The following JAM3 variants were observed in gnomAD, a reference collection of about 807,000 sequenced individuals.
JAM3 encodes junctional adhesion molecule C.
Under a neutral mutation model 39.4 loss-of-function variants are expected in JAM3, and 31 were observed. The observed-to-expected ratio is 0.79, with a 90% CI of 0.59 to 1.06. JAM3 has a LOEUF of 1.06. JAM3 is among the 50% of genes least tolerant of loss of function. The pLI is 0.00. For missense variants in JAM3, 455 were observed against 391.4 expected, an observed-to-expected ratio of 1.16 and a Z score of -1.37; for synonymous variants, 182 against 148.7, an observed-to-expected ratio of 1.22 and a Z score of -1.63.
At chr11:134,125,980 C>G (rs987913422) in intron 1 of JAM3, among the ~76,000 whole-genome samples, 1 of 152,188 alleles carries the variant, frequency 6.6e-6, no homozygotes, top group Non-Finnish European at 1.5e-5. Context: ...CAAAATCATG[C>G]TCTTTGTGAA....
intron 3 of JAM3, 101 bp downstream of exon 3, chr11:134,140,871 C>G: frequency 1.4e-6 from 2 of 1,442,244 alleles, no homozygotes; most frequent in Non-Finnish European, 1.9e-6. Flanking sequence ...TAACCTGCAT[C>G]TGTAGCTAGG....
intron 1 of JAM3, among the ~76,000 whole-genome samples, chr11:134,103,025 C>G (rs559422338): frequency 9.1e-4 from 139 of 152,248 alleles, no homozygotes; most frequent in African/African-American, 3.1e-3. Flanking sequence ...CACAAAGATA[C>G]TCCTCGAGAA....
In JAM3 at chr11:134,116,550, C is replaced by T. The variant is rs115082297; in HGVS notation, c.77-23301C>T. Among the ~76,000 whole-genome samples the T allele has an allele frequency of 6.9e-3, 1,054 of 152,120 alleles. 9 individuals are homozygous for T. Among genetic ancestry groups the T allele is most frequent in the East Asian group, 0.024 (126 of 5,178 alleles). ...CTTTCAGGTGGCTGGGATTTTTTGT[C>T]GTTGTTTGTTTTTTAGCACTTTCTT... On this transcript the variant is annotated intron_variant, in intron 1 of 8. Coordinates refer to ENST00000299106, the MANE Select transcript of JAM3 (RefSeq NM_032801.5).
intron 6 of JAM3, among the ~76,000 whole-genome samples, chr11:134,146,290 G>C (rs755193592): frequency 1.1e-4 from 16 of 152,276 alleles, no homozygotes; most frequent in Non-Finnish European, 2.1e-4. Context: ...GGCCAGCCTT[G>C]CAACTTTCAC....
chr11:134,144,595 C>T (rs544872234), intron 4 of JAM3, among the ~76,000 whole-genome samples, 197 bp from the exon 5 acceptor site: 2 of 152,196 alleles, frequency 1.3e-5, no homozygotes, highest in Non-Finnish European at 2.9e-5. Flanking sequence ...CTTCCACCAG[C>T]TAGAGGAGGC....
intron 1 of JAM3, among the ~76,000 whole-genome samples, chr11:134,078,722 T>G (rs118048650): frequency 0.031 from 4,773 of 152,312 alleles, 106 homozygotes; most frequent in Non-Finnish European, 0.049. Context: ...ATTAGGGTAA[T>G]GTTTTTGTTT....
At chr11:134,109,312 C>T (rs1377766096) in intron 1 of JAM3, among the ~76,000 whole-genome samples, 4 of 151,974 alleles carry the variant, frequency 2.6e-5, no homozygotes, top group African/African-American at 9.7e-5. Context: ...AGCAGTGCAA[C>T]CAGGGATGAA....
chr11:134,090,705 A>G (rs577902716), intron 1 of JAM3, among the ~76,000 whole-genome samples: 6 of 152,326 alleles, frequency 3.9e-5, no homozygotes, highest in East Asian at 3.9e-4. Context: ...TCGGACAGCC[A>G]TGTAACAAAG....
Position 134,144,892 on chromosome 11 carries a change from C to T in JAM3, c.510C>T (p.His170=), listed in dbSNP as rs138214860. 9.3e-6 allele frequency: 15 copies of T among 1,614,224 alleles called. No homozygotes were observed. Among genetic ancestry groups the T allele is most frequent in the Non-Finnish European group, 1.2e-5 (14 of 1,180,028 alleles). The part of the protein sequence containing the change: ...CQESEGHPRP[H]YSWYRNDVPL... ...AGAGTGAGGGCCACCCCCGGCCTCACTACAGCTGGTATCGCAATGATGTAC... is the reference window on the plus strand; with the variant it reads ...AGAGTGAGGGCCACCCCCGGCCTCATTACAGCTGGTATCGCAATGATGTAC... The change falls in exon 5 of 9, where the codon CAC becomes CAT. Residue 170 remains histidine, a synonymous_variant. Coordinates refer to ENST00000299106, the MANE Select transcript of JAM3 (RefSeq NM_032801.5).
At position 134,141,855 on chromosome 11, in the gene JAM3, G is replaced by C. The variant is rs1942978732; in HGVS notation, c.256+1085G>C. ...CTGCAGGAGGTACACATGCAGGCTCGTGCATGAGTCGGAGCCTGTGGAGTT... is the reference window on the plus strand; with the variant it reads ...CTGCAGGAGGTACACATGCAGGCTCCTGCATGAGTCGGAGCCTGTGGAGTT... On this transcript the variant is annotated intron_variant, in intron 3 of 8. Coordinates refer to ENST00000299106, the MANE Select transcript of JAM3 (RefSeq NM_032801.5). 8.5e-5 allele frequency among the ~76,000 whole-genome samples: 13 copies of C among 152,166 alleles called. 1 individual carries two copies. In the South Asian group the frequency reaches 2.7e-3, roughly 32 times the overall value.
At chr11:134,124,265 G>T in intron 1 of JAM3, 3 of 1,021,740 alleles carry the variant, frequency 2.9e-6, no homozygotes, top group Non-Finnish European at 4.7e-6. Context: ...CACTGGTAGG[G>T]TTGTGAGTTA....
chr11:134,131,679 C>G (rs191499548), intron 1 of JAM3, among the ~76,000 whole-genome samples: 1 of 152,118 alleles, frequency 6.6e-6, no homozygotes, highest in Admixed American at 6.5e-5. Context: ...AAGGGGAGAA[C>G]ATGGACAAAG....
Sources: gnomAD v4.1 joint callset for allele counts (sites outside exome capture counted in the v4.1 genomes callset) on GRCh38, gnomAD v4.1.1 for gene constraint, MANE v1.5 for transcripts, NCBI Gene and HGNC (gene_info 2026-07-23, HGNC 2026-07-21) for gene names.